Variants in ACSS1 observed in about 807,000 individuals in gnomAD.
ACSS1 encodes the protein acetyl-coenzyme A synthetase 2-like, mitochondrial.
In ACSS1, 42 loss-of-function variants were observed where a neutral mutation model predicts 75.3. The ratio of observed to expected loss-of-function variants is 0.56; its 90% CI spans 0.44 to 0.72. The LOEUF (loss-of-function observed/expected upper bound fraction) is 0.72, where lower values mean the gene tolerates loss of function less well. Ranked by LOEUF, ACSS1 falls within the 30% of genes least tolerant of loss-of-function variation. The probability of loss-of-function intolerance (pLI) is 0.00; values close to 1 mark genes in which losing one functional copy is unlikely to be tolerated. For synonymous variants in ACSS1, 380 were observed against 376.8 expected (o/e 1.01, Z -0.10); for missense variants, 782 against 935.7 (o/e 0.84, Z 2.14).
At chr20:25,022,059 TATC>T (rs1213175634) in intron 5 of ACSS1, among the ~76,000 whole-genome samples, 1 of 151,998 alleles carries the variant, frequency 6.6e-6, no homozygotes. Context: ...TTAAAACACA[TATC>T]AACAATATTT....
intron 7 of ACSS1, 96 bp downstream of exon 7, chr20:25,019,914 C>A: frequency 6.5e-7 from 1 of 1,549,498 alleles, no homozygotes. Context: ...CATACAAAGC[C>A]GGGCAGCTTC....
chr20:25,016,172 A>G (rs1306591506), intron 7 of ACSS1, among the ~76,000 whole-genome samples: 1 of 152,090 alleles, frequency 6.6e-6, no homozygotes, highest in Non-Finnish European at 1.5e-5. Context: ...TGGGCAAGGG[A>G]GGGGTGTGCT....
chr20:25,020,104 GA>G lies in ACSS1; in HGVS notation c.1151del (p.Phe384SerfsTer12). On this transcript the variant is annotated frameshift_variant, in exon 7 of 14. Coordinates refer to ENST00000323482, the MANE Select transcript of ACSS1 (RefSeq NM_032501.4). LOFTEE classifies it high-confidence loss of function. ...GCCGGACAGCCGTTGGGGCGCCATA[GA>G]ACTGATTGATCTTCAACCTCTCTAC... ...ETVERLKINQFYGAPTAVRLL... is the reference protein window; with the variant it reads ...ETVERLKINQXYGAPTAVRLL... 6.2e-7 allele frequency: 1 copy of G among 1,614,252 alleles called. No individual in the cohort carries two copies. The highest frequency in any genetic ancestry group is 8.5e-7 in the Non-Finnish European group (1 of 1,180,056).
Position 25,030,747 on chromosome 20 carries a change from C to T in ACSS1, c.631+12G>A, listed in dbSNP as rs753510705. On this transcript the variant is annotated intron_variant, in intron 3 of 13. Coordinates refer to ENST00000323482, the MANE Select transcript of ACSS1 (RefSeq NM_032501.4). Reference sequence around the variant, plus strand: ...CTCCAGGGTTCCTCCCTCCCCATGCCCACCTCCTCACCATCATTGATCCTC... The same window carrying T: ...CTCCAGGGTTCCTCCCTCCCCATGCTCACCTCCTCACCATCATTGATCCTC... The T allele has an allele frequency of 3.1e-6, 5 of 1,613,664 alleles. No individual in the cohort carries two copies. The highest frequency in any genetic ancestry group is 4.2e-6 in the Non-Finnish European group (5 of 1,179,834).
intron 12 of ACSS1, chr20:25,011,135 C>A (rs973319275): frequency 6.6e-6 from 1 of 152,312 alleles, no homozygotes; most frequent in African/African-American, 2.4e-5. Context: ...TGCAATAGCT[C>A]CACACACGCA....
chr20:25,034,486 A>G (rs1162181365), intron 2 of ACSS1, among the ~76,000 whole-genome samples: 1 of 151,832 alleles, frequency 6.6e-6, no homozygotes, highest in Non-Finnish European at 1.5e-5. Flanking sequence ...ACACCCCCAG[A>G]CTTCCAAATG....
intron 13 of ACSS1, among the ~76,000 whole-genome samples, chr20:25,008,396 C>T (rs1045605157): frequency 5.3e-5 from 8 of 152,252 alleles, no homozygotes; most frequent in Non-Finnish European, 1.2e-4. Context: ...GCTCAAACAA[C>T]TACAGCCCAT....
chr20:25,020,293 C>A lies in ACSS1; in HGVS notation c.1109-146G>T, dbSNP rs184434774. 127 of 1,128,388 alleles carry A rather than the reference C, an allele frequency of 1.1e-4. No homozygotes were observed. The South Asian group carries it at 1.8e-3, about 16-fold the overall frequency. The allele number at this position is 1,128,388 out of a possible 1,614,324, so 69.9% of individuals were successfully genotyped here. A position where few individuals can be genotyped will look rare whatever the true frequency, so the allele number is the denominator to read the frequency against. ...AGGGATCCCCCCAACCCCCCACCCC[C>A]GCCAGTGAAAGATGGAAAGAAGCCC... On this transcript the variant is annotated intron_variant, in intron 6 of 13. Transcript: ENST00000323482.
intron 9 of ACSS1, 47 bp from the exon 10 acceptor site, chr20:25,013,709 G>A: frequency 1.3e-6 from 2 of 1,561,590 alleles, no homozygotes; most frequent in Admixed American, 1.8e-5. Context: ...CTCTGGGTGA[G>A]AAGTGTGCCA....
At chr20:25,012,533 C>T (rs1032191295) in intron 12 of ACSS1, 68 bp downstream of exon 12, 9 of 1,574,508 alleles carry the variant, frequency 5.7e-6, no homozygotes, top group Middle Eastern at 1.7e-4. Flanking sequence ...GTCTGCTCCT[C>T]GTACAGAGGT....
intron 7 of ACSS1, 108 bp from the exon 8 acceptor site, chr20:25,015,338 TCTCA>T: frequency 1.2e-6 from 1 of 852,226 alleles, no homozygotes; most frequent in East Asian, 2.8e-5. Flanking sequence ...TGAGACTGAG[TCTCA>T]CTCTGTCTCC....
intron 2 of ACSS1, among the ~76,000 whole-genome samples, chr20:25,041,968 G>T (rs1396162936): frequency 1.3e-5 from 2 of 152,200 alleles, no homozygotes. Flanking sequence ...GTACAGGTGG[G>T]ATCCTCCTGC....
At chr20:25,035,824 ATGT>A (rs2122706555) in intron 2 of ACSS1, among the ~76,000 whole-genome samples, 1 of 152,370 alleles carries the variant, frequency 6.6e-6, no homozygotes, top group South Asian at 2.1e-4. Flanking sequence ...TGAAAAATAA[ATGT>A]TGTTCAAGTA....
At chr20:25,053,650 G>A (rs2089206255) in intron 1 of ACSS1, among the ~76,000 whole-genome samples, 1 of 152,128 alleles carries the variant, frequency 6.6e-6, no homozygotes, top group African/African-American at 2.4e-5. Context: ...GCCGCTGTCA[G>A]TGTCCTGCCT....
intron 1 of ACSS1, among the ~76,000 whole-genome samples, chr20:25,051,187 C>A (rs1254270010): frequency 1.3e-5 from 2 of 152,210 alleles, no homozygotes; most frequent in Non-Finnish European, 2.9e-5. Flanking sequence ...CTCCCGAGCA[C>A]CTCACTGTCC....
chr20:25,007,317 T>C lies in ACSS1; in HGVS notation c.*445A>G. On this transcript the variant is annotated 3_prime_UTR_variant, in exon 14 of 14. Coordinates refer to ENST00000323482, the MANE Select transcript of ACSS1 (RefSeq NM_032501.4). Reference sequence around the variant, plus strand: ...CACACTACATGTGAGTGTTGCATGCTGTTCTTCCACAATATAAAAGTATAA... The same window carrying C: ...CACACTACATGTGAGTGTTGCATGCCGTTCTTCCACAATATAAAAGTATAA... 1.8e-6 allele frequency: 2 copies of C among 1,081,420 alleles called. No homozygotes were observed. The highest frequency in any genetic ancestry group is 8.5e-4 in the Middle Eastern group (2 of 2,352). 67.0% of individuals were successfully genotyped at this position (1,081,420 alleles called of 1,614,324 possible).
At chr20:25,017,054 A>T (rs1317215055) in intron 7 of ACSS1, among the ~76,000 whole-genome samples, 1 of 151,018 alleles carries the variant, frequency 6.6e-6, no homozygotes, top group Admixed American at 6.6e-5. Flanking sequence ...GTGCAGTGGC[A>T]TGATCATGGC....
At chr20:25,052,394 G>A (rs2089187164) in intron 1 of ACSS1, among the ~76,000 whole-genome samples, 1 of 152,222 alleles carries the variant, frequency 6.6e-6, no homozygotes, top group African/African-American at 2.4e-5. Flanking sequence ...AGCACATGAT[G>A]GATGACCTGT....
chr20:25,013,861 C>G, intron 9 of ACSS1, 100 bp downstream of exon 9: 2 of 1,386,168 alleles, frequency 1.4e-6, no homozygotes, highest in Non-Finnish European at 2.0e-6. Context: ...CAGCCTCCTG[C>G]CAGGTACAGA....
Sources: allele counts gnomAD v4.1 joint callset (sites outside exome capture counted in the v4.1 genomes callset), GRCh38; gene constraint gnomAD v4.1.1; transcripts MANE v1.5; gene names NCBI Gene and HGNC (gene_info 2026-07-23, HGNC 2026-07-21).